Variants in NR5A2 observed in about 807,000 individuals in gnomAD.
NR5A2 encodes CYP7A promoter-binding factor.
In NR5A2, 26 loss-of-function variants were observed where a neutral mutation model predicts 62.7. The ratio of observed to expected loss-of-function variants is 0.41; its 90% CI spans 0.30 to 0.58. The LOEUF is 0.58. NR5A2 is among the 20% of genes least tolerant of loss of function. The probability of loss-of-function intolerance (pLI) is 0.22; values close to 1 mark genes in which losing one functional copy is unlikely to be tolerated. For synonymous variants in NR5A2, 246 were observed against 241.7 expected (o/e 1.02, Z -0.16); for missense variants, 541 against 669.1 (o/e 0.81, Z 2.11).
rs543501904 is a variant in NR5A2, at chr1:200,159,708, A to G, written c.1379-14255A>G. On this transcript the variant is annotated intron_variant, in intron 7 of 7. Coordinates refer to ENST00000367362, the MANE Select transcript of NR5A2 (RefSeq NM_205860.3). ...GCTCTGTCCTCTAGGCTGGAGTGCA[A>G]TGGTGCCATCTCGGCTCACTGCAAC... is the stretch of plus-strand genomic sequence containing the variant. Among the ~76,000 whole-genome samples the G allele has an allele frequency of 4.6e-3, 705 of 151,732 alleles. 1 individual carries two copies. Among genetic ancestry groups the G allele is most frequent in the Non-Finnish European group, 7.7e-3 (523 of 67,918 alleles).
At position 200,169,900 on chromosome 1, in the gene NR5A2, C is replaced by T. The variant is rs183868360; in HGVS notation, c.1379-4063C>T. On this transcript the variant is annotated intron_variant, in intron 7 of 7. Transcript: ENST00000367362. Reference sequence around the variant, plus strand: ...ACGCACAGAGTGCCAAATGCAGGAGCCTTTGCAATCCAGCCTAAAATGCCA... The same window carrying T: ...ACGCACAGAGTGCCAAATGCAGGAGTCTTTGCAATCCAGCCTAAAATGCCA... Among the ~76,000 whole-genome samples the T allele has an allele frequency of 1.3e-4, 20 of 152,248 alleles. No individual in the cohort carries two copies. The East Asian group carries it at 3.9e-3, about 29-fold the overall frequency.
At position 200,039,526 on chromosome 1, in the gene NR5A2, T is replaced by C; in HGVS notation, c.65-132T>C. On this transcript the variant is annotated intron_variant, in intron 1 of 7. Transcript: ENST00000367362. The surrounding 1 kb of genome is among the most constrained non-coding windows in gnomAD (Gnocchi z 5.1). ...CCGGAGCTGCGAGACCGGACAGGGCTCAGAGGTCCTGCCCGGCAGCCCCGA... is the reference window on the plus strand; with the variant it reads ...CCGGAGCTGCGAGACCGGACAGGGCCCAGAGGTCCTGCCCGGCAGCCCCGA... The C allele has an allele frequency of 7.6e-7, 1 of 1,312,782 alleles. No homozygotes were observed. The highest frequency in any genetic ancestry group is 1.1e-6 in the Non-Finnish European group (1 of 937,284). The allele number at this position is 1,312,782 out of a possible 1,614,324, so 81.3% of individuals were successfully genotyped here.
At chr1:200,108,081 CGT>C (rs71132660) in intron 5 of NR5A2, among the ~76,000 whole-genome samples, 47,261 of 146,484 alleles carry the variant, frequency 0.32, 7,695 homozygotes, top group South Asian at 0.42. Flanking sequence ...AGAAGACATA[CGT>C]GTGTGTGTGT....
rs869028679 is a variant in NR5A2 at position 200,092,873 on chromosome 1, CTTTTTTTTT to C, written c.1111-18309_1111-18301del. 9.3e-5 allele frequency among the ~76,000 whole-genome samples: 6 copies of C among 64,246 alleles called. No individual in the cohort carries two copies. In the East Asian group the frequency reaches 3.5e-3, roughly 37 times the overall value. 42.1% of individuals were successfully genotyped at this position (64,246 alleles called of 152,430 possible). On this transcript the variant is annotated intron_variant, in intron 5 of 7. Coordinates refer to ENST00000367362, the MANE Select transcript of NR5A2 (RefSeq NM_205860.3). ...ACATTGATATTACTAAAAGACAGGT[CTTTTTTTTT>C]TTTTTTTTTTTTTTTTTTTGAGATG...
At position 200,039,015 on chromosome 1, in the gene NR5A2, C is replaced by T. The variant is rs573136664; in HGVS notation, c.65-643C>T. Reference sequence around the variant, plus strand: ...CCTCCTTCTCCCCCTCGTCTTCCCCCCTGTCCTTCCCAGCACCGTCACCCT... The same window carrying T: ...CCTCCTTCTCCCCCTCGTCTTCCCCTCTGTCCTTCCCAGCACCGTCACCCT... On this transcript the variant is annotated intron_variant, in intron 1 of 7. Transcript: ENST00000367362. This position sits in a 1 kb window ranked among gnomAD's most constrained non-coding sequence, Gnocchi z 5.1. 1.3e-5 allele frequency among the ~76,000 whole-genome samples: 2 copies of T among 152,028 alleles called. No individual in the cohort carries two copies. Among genetic ancestry groups the T allele is most frequent in the African/African-American group, 4.8e-5 (2 of 41,408 alleles).
chr1:200,046,187 A>T (rs1484530581), intron 4 of NR5A2, among the ~76,000 whole-genome samples: 2 of 152,212 alleles, frequency 1.3e-5, no homozygotes, highest in Non-Finnish European at 2.9e-5. Context: ...CATGAAAAAT[A>T]ACGAACTATT....
At chr1:200,110,308 A>G (rs1192821210) in intron 5 of NR5A2, among the ~76,000 whole-genome samples, 1 of 152,216 alleles carries the variant, frequency 6.6e-6, no homozygotes, top group Non-Finnish European at 1.5e-5. Flanking sequence ...AACATCACAA[A>G]ACAAAAAGTA....
rs10919799 is a variant in NR5A2, at chr1:200,031,040, G to C, written c.64+3129G>C. On this transcript the variant is annotated intron_variant, in intron 1 of 7. Transcript: ENST00000367362. Reference sequence around the variant, plus strand: ...CCAGCGAGCTTTATTTAGAATGCCAGCCACACAAGCCCATGTTCTGATTCT... The same window carrying C: ...CCAGCGAGCTTTATTTAGAATGCCACCCACACAAGCCCATGTTCTGATTCT... Among the ~76,000 whole-genome samples the C allele has an allele frequency of 4.8e-3, 731 of 152,328 alleles. 7 individuals carry two copies. The highest frequency in any genetic ancestry group is 0.017 in the African/African-American group (707 of 41,560).
At chr1:200,049,849 C>T (rs917132476) in intron 5 of NR5A2, among the ~76,000 whole-genome samples, 4 of 152,128 alleles carry the variant, frequency 2.6e-5, no homozygotes, top group Admixed American at 6.5e-5. Context: ...TGTTAAAAAT[C>T]GTCTGTGTAA....
At chr1:200,080,356 T>A (rs1664238335) in intron 5 of NR5A2, among the ~76,000 whole-genome samples, 1 of 152,196 alleles carries the variant, frequency 6.6e-6, no homozygotes, top group African/African-American at 2.4e-5. Flanking sequence ...AGACTTAATA[T>A]TCATGAAAAT....
At chr1:200,114,341 GAAAAA>G (rs956559043) in intron 6 of NR5A2, among the ~76,000 whole-genome samples, 4 of 144,182 alleles carry the variant, frequency 2.8e-5, no homozygotes, top group African/African-American at 1.2e-4. Context: ...AGAAAAAAAA[GAAAAA>G]AAGAACTGCT....
intron 5 of NR5A2, among the ~76,000 whole-genome samples, chr1:200,067,201 G>A (rs775259328): frequency 1.2e-4 from 19 of 152,222 alleles, no homozygotes; most frequent in Non-Finnish European, 2.2e-4. Context: ...TGGGGCTGGA[G>A]GCCATTATCC....
intron 5 of NR5A2, among the ~76,000 whole-genome samples, chr1:200,108,139 C>A (rs538088561): frequency 2.0e-4 from 29 of 148,258 alleles, no homozygotes; most frequent in Admixed American, 1.7e-3. Flanking sequence ...TGTCACCCAG[C>A]CTGGAATGCA....
rs1049198069 is a variant in NR5A2, at chr1:200,147,935, C to T, written c.1379-26028C>T. The T allele has an allele frequency of 5.6e-6, 2 of 356,356 alleles. No individual in the cohort carries two copies. Among genetic ancestry groups the T allele is most frequent in the African/African-American group, 2.1e-5 (1 of 46,564 alleles). 22.1% of individuals were successfully genotyped at this position (356,356 alleles called of 1,614,324 possible). ...GCTGTGATGTGGTGCAGCGCTTCGCCGGTGTTGGTGTTGCCCTGTGGTAGG... is the reference window on the plus strand; with the variant it reads ...GCTGTGATGTGGTGCAGCGCTTCGCTGGTGTTGGTGTTGCCCTGTGGTAGG... On this transcript the variant is annotated intron_variant, in intron 7 of 7. Transcript: ENST00000367362. This position sits in a 1 kb window ranked among gnomAD's most constrained non-coding sequence, Gnocchi z 4.9.
Position 200,175,454 on chromosome 1 carries a change from G to T in NR5A2, c.*1244G>T, listed in dbSNP as rs1654373932. On this transcript the variant is annotated 3_prime_UTR_variant, in exon 8 of 8. Transcript: ENST00000367362. The stretch of plus-strand genomic sequence containing the variant: ...AAAGTCTGCTGTAGAACAAATATGG[G>T]AGGACAAAGAATCGCAAATTCTTCA... 6.6e-6 allele frequency: 1 copy of T among 152,658 alleles called. No individual in the cohort carries two copies. Among genetic ancestry groups the T allele is most frequent in the Non-Finnish European group, 1.5e-5 (1 of 68,046 alleles). The allele number at this position is 152,658 out of a possible 1,614,324, so 9.5% of individuals were successfully genotyped here.
intron 6 of NR5A2, among the ~76,000 whole-genome samples, chr1:200,117,928 GGT>G (rs1666306916): frequency 2.0e-5 from 3 of 151,434 alleles, no homozygotes; most frequent in Non-Finnish European, 4.4e-5. Context: ...TGGCCAGGCT[GGT>G]CTCGAACTCC....
intron 5 of NR5A2, among the ~76,000 whole-genome samples, chr1:200,083,420 T>A (rs1346052987): frequency 6.6e-6 from 1 of 152,152 alleles, no homozygotes; most frequent in Non-Finnish European, 1.5e-5. Flanking sequence ...ATCACACAAG[T>A]AATAAGTAAT....
Position 200,115,595 on chromosome 1 carries a change from G to C in NR5A2, c.1230+4274G>C, listed in dbSNP as rs539064008. Among the ~76,000 whole-genome samples the C allele has an allele frequency of 2.6e-5, 4 of 152,214 alleles. No individual in the cohort carries two copies. The East Asian group carries it at 7.7e-4, about 29-fold the overall frequency. ...AATGAAGGGAAATCAAAGATGTAAG[G>C]GGAAAAACATTAGACACAGCTCTGC... On this transcript the variant is annotated intron_variant, in intron 6 of 7. Transcript: ENST00000367362.
Position 200,097,938 on chromosome 1 carries a change from A to G in NR5A2, c.1111-13264A>G, listed in dbSNP as rs185159310. 3.9e-5 allele frequency among the ~76,000 whole-genome samples: 6 copies of G among 152,350 alleles called. No homozygotes were observed. In the East Asian group the frequency reaches 9.6e-4, roughly 24 times the overall value. ...CTAGGTGTGGTTTTGCTAAAAATCT[A>G]GCTAATGTGATTCTGATTTCAAAAT... On this transcript the variant is annotated intron_variant, in intron 5 of 7. Transcript: ENST00000367362.
Sources: allele counts gnomAD v4.1 joint callset (sites outside exome capture counted in the v4.1 genomes callset), GRCh38; gene constraint gnomAD v4.1.1; non-coding constraint Gnocchi (gnomAD v3.1); transcripts MANE v1.5; gene names NCBI Gene and HGNC (gene_info 2026-07-23, HGNC 2026-07-21).